The following RABGGTB variants were observed in gnomAD, a reference collection of about 807,000 sequenced individuals.
The protein encoded by RABGGTB is Rab geranylgeranyltransferase subunit beta.
RABGGTB carries 20 observed loss-of-function variants against 44.5 expected under a neutral mutation model. The observed-to-expected ratio is 0.45, with a 90% CI of 0.32 to 0.65. The LOEUF (loss-of-function observed/expected upper bound fraction) is 0.65, where lower values mean the gene tolerates loss of function less well. RABGGTB is among the 30% of genes least tolerant of loss of function. RABGGTB has a pLI of 0.05. For synonymous variants in RABGGTB, 128 were observed against 136.7 expected (o/e 0.94, Z 0.44); for missense variants, 302 against 398.7 (o/e 0.76, Z 2.06).
At chr1:75,792,843 A>T (rs531969109) in intron 7 of RABGGTB, among the ~76,000 whole-genome samples, 1 of 152,110 alleles carries the variant, frequency 6.6e-6, no homozygotes, top group Non-Finnish European at 1.5e-5. Context: ...TGTATTTCCT[A>T]TGTCAGATGG....
intron 3 of RABGGTB, 81 bp from the exon 4 acceptor site, chr1:75,789,871 G>T: frequency 9.5e-7 from 1 of 1,047,626 alleles, no homozygotes. Context: ...GGATGTGCTT[G>T]ACAACTTAAA....
chr1:75,792,429 A>C, intron 7 of RABGGTB, 123 bp downstream of exon 7: 1 of 1,316,580 alleles, frequency 7.6e-7, no homozygotes, highest in East Asian at 2.4e-5. Context: ...CCCTGTTGTG[A>C]ATTTTCAGTA....
At chr1:75,791,387 GA>G (rs746597460) in intron 5 of RABGGTB, 50 bp downstream of exon 5, 5 of 1,499,702 alleles carry the variant, frequency 3.3e-6, no homozygotes, top group African/African-American at 2.8e-5. Context: ...GAATACTCTG[GA>G]ATTTTTTTTT....
intron 1 of RABGGTB, chr1:75,786,859 T>C (rs1476745909): frequency 3.0e-6 from 1 of 328,878 alleles, no homozygotes; most frequent in Non-Finnish European, 5.8e-6. Context: ...TTTGGGGTAC[T>C]TAGAAGGTGC....
Position 75,791,586 on chromosome 1 carries a change from C to T in RABGGTB, c.579+15C>T. The T allele has an allele frequency of 1.3e-6, 2 of 1,573,266 alleles. No homozygotes were observed. Among genetic ancestry groups the T allele is most frequent in the African/African-American group, 2.7e-5 (2 of 73,432 alleles). ...ATGCTGGGCAGGTAATTTATGAATA[C>T]AGATGAAAATGTATTGTCATTTTGG... On this transcript the variant is annotated intron_variant, in intron 6 of 8. Coordinates refer to ENST00000319942, the MANE Select transcript of RABGGTB (RefSeq NM_004582.4).
At position 75,792,166 on chromosome 1, in the gene RABGGTB, T is replaced by C; in HGVS notation, c.580-15T>C. 2 of 1,590,008 alleles carry C rather than the reference T, an allele frequency of 1.3e-6. No homozygotes were observed. The highest frequency in any genetic ancestry group is 1.7e-6 in the Non-Finnish European group (2 of 1,158,510). ...GAAATTATTATACACATAAACTTTA[T>C]GTCTGTAATTTTAGATCTATTGTTG... On this transcript the variant is annotated splice_polypyrimidine_tract_variant and intron_variant, in intron 6 of 8. Coordinates refer to ENST00000319942, the MANE Select transcript of RABGGTB (RefSeq NM_004582.4).
At chr1:75,787,294 C>G (rs957555014) in intron 1 of RABGGTB, 3 of 618,734 alleles carry the variant, frequency 4.8e-6, no homozygotes, top group Non-Finnish European at 8.7e-6. Flanking sequence ...GTGACACAAC[C>G]TCAGTTCACT....
At position 75,789,873 on chromosome 1, in the gene RABGGTB, C is replaced by T. The variant is rs1164406960; in HGVS notation, c.310-79C>T. 6.6e-6 allele frequency: 7 copies of T among 1,066,612 alleles called. No individual in the cohort carries two copies. In the African/African-American group the frequency reaches 9.6e-5, roughly 15 times the overall value. 66.1% of individuals were successfully genotyped at this position (1,066,612 alleles called of 1,614,324 possible). On this transcript the variant is annotated intron_variant, in intron 3 of 8. Coordinates refer to ENST00000319942, the MANE Select transcript of RABGGTB (RefSeq NM_004582.4). ...CACAGAGACAAAAGGATGTGCTTGA[C>T]AACTTAAAAAGAGTTGAGCATAAGA...
At position 75,790,447 on chromosome 1, in the gene RABGGTB, G is replaced by A. The variant is rs545038340; in HGVS notation, c.415+390G>A. The A allele has an allele frequency of 1.7e-4, 186 of 1,081,476 alleles. 2 individuals carry two copies. The South Asian group carries it at 6.2e-3, about 36-fold the overall frequency. The allele number at this position is 1,081,476 out of a possible 1,614,324, so 67.0% of individuals were successfully genotyped here. Reference sequence around the variant, plus strand: ...AAACGTAGATAATCTCTGCTTTAGGGATGAACACAGTGCAGGCCAGAGAGA... The same window carrying A: ...AAACGTAGATAATCTCTGCTTTAGGAATGAACACAGTGCAGGCCAGAGAGA... On this transcript the variant is annotated intron_variant, in intron 4 of 8. Coordinates refer to ENST00000319942, the MANE Select transcript of RABGGTB (RefSeq NM_004582.4).
chr1:75,790,981 G>A (rs754939325), intron 4 of RABGGTB, among the ~76,000 whole-genome samples: 8 of 152,002 alleles, frequency 5.3e-5, no homozygotes, highest in Non-Finnish European at 8.8e-5. Context: ...GTAGAGATGG[G>A]GTCCCATTAT....
At chr1:75,789,114 T>C in intron 2 of RABGGTB, 45 bp from the exon 3 acceptor site, 1 of 1,553,380 alleles carries the variant, frequency 6.4e-7, no homozygotes, top group Non-Finnish European at 8.9e-7. Flanking sequence ...TTATAACTTG[T>C]TACCAGTTCA....
intron 6 of RABGGTB, chr1:75,791,867 C>T (rs1649655056): frequency 2.5e-6 from 1 of 403,520 alleles, no homozygotes; most frequent in South Asian, 4.4e-5. Context: ...AAAAACAACA[C>T]ATTTTTCTTT....
intron 4 of RABGGTB, 98 bp from the exon 5 acceptor site, chr1:75,791,187 G>A: frequency 9.5e-7 from 1 of 1,051,302 alleles, no homozygotes; most frequent in Non-Finnish European, 1.5e-6. Context: ...AGTTAAGCTT[G>A]AACTCAATTT....
At chr1:75,789,019 A>G (rs866852098) in intron 2 of RABGGTB, 140 bp from the exon 3 acceptor site, 20 of 681,930 alleles carry the variant, frequency 2.9e-5, no homozygotes, top group Admixed American at 5.7e-5. Context: ...CACAGATTTT[A>G]AACTCACTAC....
chr1:75,791,738 A>G, intron 6 of RABGGTB, 167 bp downstream of exon 6: 1 of 628,818 alleles, frequency 1.6e-6, no homozygotes, highest in Non-Finnish European at 2.7e-6. Context: ...TTTGCTTTAT[A>G]TACTATATAC....
chr1:75,794,390 C>G, intron 8 of RABGGTB, 120 bp from the exon 9 acceptor site: 2 of 1,310,394 alleles, frequency 1.5e-6, no homozygotes, highest in South Asian at 3.1e-5. Context: ...AACAATCTTA[C>G]AGAAATTTCT....
chr1:75,788,708 T>C (rs1649563272), intron 2 of RABGGTB: 1 of 159,642 alleles, frequency 6.3e-6, no homozygotes. Context: ...TAAACATCTT[T>C]GGCATGTTTA....
rs201713912 is a variant in RABGGTB at position 75,791,443 on chromosome 1, C to CT, written c.469-9dup. On this transcript the variant is annotated splice_polypyrimidine_tract_variant and intron_variant, in intron 5 of 8. Coordinates refer to ENST00000319942, the MANE Select transcript of RABGGTB (RefSeq NM_004582.4). ...GAATACTCTGGAATTTAACAGGCAT[C>CT]TTTTTTTTTGTTTGTAGGGGAAGCT... The CT allele has an allele frequency of 4.2e-4, 654 of 1,540,022 alleles. No individual in the cohort carries two copies. The highest frequency in any genetic ancestry group is 6.9e-4 in the Middle Eastern group (4 of 5,768).
At position 75,791,527 on chromosome 1, in the gene RABGGTB, G is replaced by A. The variant is rs755150348; in HGVS notation, c.535G>A (p.Gly179Ser). ...TGTTTTATCCTGTATGAACTTTGAC[G>A]GTGGATTTGGTTGCAGACCAGGTTC... ...EFVLSCMNFDGGFGCRPGSES... is the reference protein window; with the variant it reads ...EFVLSCMNFDSGFGCRPGSES... Residue 179 changes from glycine (G) to serine (S), a missense_variant, in exon 6 of 9, where the codon GGT (glycine) becomes AGT (serine). Coordinates refer to ENST00000319942, the MANE Select transcript of RABGGTB (RefSeq NM_004582.4). 1.2e-5 allele frequency: 19 copies of A among 1,612,764 alleles called. No individual in the cohort carries two copies. Among genetic ancestry groups the A allele is most frequent in the South Asian group, 2.2e-5 (2 of 90,988 alleles).
Sources: allele counts gnomAD v4.1 joint callset (sites outside exome capture counted in the v4.1 genomes callset), GRCh38; gene constraint gnomAD v4.1.1; transcripts MANE v1.5; gene names NCBI Gene and HGNC (gene_info 2026-07-23, HGNC 2026-07-21).